Variants in SYCP1 observed in about 807,000 individuals in gnomAD.
The protein encoded by SYCP1 is synaptonemal complex protein 1, also known as cancer/testis antigen 8.
In SYCP1, 64 loss-of-function variants were observed where a neutral mutation model predicts 153.1. The ratio of observed to expected loss-of-function variants is 0.42; its 90% CI spans 0.34 to 0.51. SYCP1 has a LOEUF of 0.51. Among genes scored for constraint, SYCP1 ranks in the 20% least tolerant of loss-of-function variants. The pLI, the probability that SYCP1 is intolerant of heterozygous loss-of-function variation, is 0.06. For synonymous variants in SYCP1, 384 were observed against 341.8 expected (o/e 1.12, Z -1.36); for missense variants, 997 against 1,049.0 (o/e 0.95, Z 0.68).
intron 27 of SYCP1, among the ~76,000 whole-genome samples, chr1:114,952,013 G>T (rs754378967): frequency 5.3e-5 from 8 of 152,016 alleles, no homozygotes; most frequent in Admixed American, 3.3e-4. Context: ...AGTTTTTATT[G>T]CCAAGTAGTA....
At chr1:114,987,920 A>G (rs1390197583) in intron 30 of SYCP1, among the ~76,000 whole-genome samples, 2 of 151,686 alleles carry the variant, frequency 1.3e-5, no homozygotes, top group Non-Finnish European at 2.9e-5. Context: ...ATAGAGAGTT[A>G]GAAATTATAA....
intron 2 of SYCP1, among the ~76,000 whole-genome samples, chr1:114,855,852 G>C (rs2101239537): frequency 6.6e-6 from 1 of 152,144 alleles, no homozygotes; most frequent in East Asian, 1.9e-4. Flanking sequence ...GCAACTTATA[G>C]GACAGATACT....
At chr1:114,970,775 T>G (rs1348364344) in intron 27 of SYCP1, among the ~76,000 whole-genome samples, 1 of 152,184 alleles carries the variant, frequency 6.6e-6, no homozygotes, top group Non-Finnish European at 1.5e-5. Context: ...TCTTCAGGTC[T>G]CTCAGCCGTG....
At chr1:114,953,117 A>G (rs72695830) in intron 27 of SYCP1, among the ~76,000 whole-genome samples, 3,019 of 152,356 alleles carry the variant, frequency 0.02, 42 homozygotes, top group Non-Finnish European at 0.035. Context: ...CCATAAGGGC[A>G]GAGCCCTCAT....
rs766275225 is a variant in SYCP1, at chr1:114,856,596, T to C, written c.132T>C (p.Asp44=). The C allele has an allele frequency of 6.2e-7, 1 of 1,611,710 alleles. No individual in the cohort carries two copies. Among genetic ancestry groups the C allele is most frequent in the Non-Finnish European group, 8.5e-7 (1 of 1,179,086 alleles). Residue 44 remains aspartate, a synonymous_variant, in exon 3 of 32, where the codon GAT becomes GAC. Coordinates refer to ENST00000369522, the MANE Select transcript of SYCP1 (RefSeq NM_003176.4). ...AGAGTTTCAACAAATGTACTGAAGATGATTTTGAGTTTCCATTTGCAAAGA... is the reference window on the plus strand; with the variant it reads ...AGAGTTTCAACAAATGTACTGAAGACGATTTTGAGTTTCCATTTGCAAAGA... The part of the protein sequence containing the change: ...FFKSFNKCTE[D]DFEFPFAKTN...
intron 27 of SYCP1, among the ~76,000 whole-genome samples, chr1:114,960,498 T>A (rs1325053494): frequency 6.6e-6 from 1 of 152,164 alleles, no homozygotes; most frequent in Non-Finnish European, 1.5e-5. Context: ...ACCTCCACAG[T>A]GGTTGTACTA....
At chr1:114,919,789 A>G (rs796072752) in intron 20 of SYCP1, among the ~76,000 whole-genome samples, 43 of 152,108 alleles carry the variant, frequency 2.8e-4, no homozygotes, top group African/African-American at 9.9e-4. Context: ...ATTGATGTGT[A>G]GTTGCTTAGA....
chr1:114,942,228 A>G lies in SYCP1; in HGVS notation c.1927-2111A>G, dbSNP rs375679033. Among the ~76,000 whole-genome samples the G allele has an allele frequency of 4.0e-4, 61 of 152,144 alleles. 3 individuals are homozygous for G. In the East Asian group the frequency reaches 0.01, roughly 25 times the overall value. On this transcript the variant is annotated intron_variant, in intron 23 of 31. Transcript: ENST00000369522. ...CAACAAACAACAATAGAAGTCAGAAAACAGTGAGAAAGTATTTTCATGGGC... is the reference window on the plus strand; with the variant it reads ...CAACAAACAACAATAGAAGTCAGAAGACAGTGAGAAAGTATTTTCATGGGC...
intron 12 of SYCP1, among the ~76,000 whole-genome samples, chr1:114,881,676 A>G (rs1056422661): frequency 2.0e-5 from 3 of 151,886 alleles, no homozygotes; most frequent in African/African-American, 7.3e-5. Flanking sequence ...TAATTTTAAC[A>G]TTTTTTGTAG....
intron 8 of SYCP1, among the ~76,000 whole-genome samples, chr1:114,863,723 A>C (rs1664530653): frequency 6.6e-6 from 1 of 152,112 alleles, no homozygotes; most frequent in African/African-American, 2.4e-5. Flanking sequence ...TTGGTGGCAT[A>C]AATGTCTTCT....
At chr1:114,900,995 C>T (rs150725162) in intron 16 of SYCP1, among the ~76,000 whole-genome samples, 88 of 152,280 alleles carry the variant, frequency 5.8e-4, no homozygotes, top group African/African-American at 2.0e-3. Context: ...GGTACCACAG[C>T]TTTTATCTTC....
chr1:114,868,058 A>G (rs1434048996), intron 8 of SYCP1, among the ~76,000 whole-genome samples: 1 of 151,674 alleles, frequency 6.6e-6, no homozygotes, highest in African/African-American at 2.4e-5. Flanking sequence ...ACAATAATTG[A>G]TTTAAAATGC....
chr1:114,995,188 G>C lies in SYCP1; in HGVS notation c.*169G>C, dbSNP rs889384131. 2 of 567,738 alleles carry C rather than the reference G, an allele frequency of 3.5e-6. No homozygotes were observed. Among genetic ancestry groups the C allele is most frequent in the African/African-American group, 1.9e-5 (1 of 52,170 alleles). 35.2% of individuals were successfully genotyped at this position (567,738 alleles called of 1,614,324 possible). A position where few individuals can be genotyped will look rare whatever the true frequency, so the allele number is the denominator to read the frequency against. On this transcript the variant is annotated 3_prime_UTR_variant, in exon 32 of 32. Transcript: ENST00000369522. Reference sequence around the variant, plus strand: ...TTAGCCTAAATGTTAACTACATATTGTCTGGAAACCTGTCATTGTATTCAG... The same window carrying C: ...TTAGCCTAAATGTTAACTACATATTCTCTGGAAACCTGTCATTGTATTCAG...
At chr1:114,867,032 G>T (rs1664799346) in intron 8 of SYCP1, among the ~76,000 whole-genome samples, 1 of 151,030 alleles carries the variant, frequency 6.6e-6, no homozygotes. Flanking sequence ...GGGTCTATTT[G>T]TTACTCCTTT....
chr1:114,877,839 A>T (rs989827760), intron 11 of SYCP1, among the ~76,000 whole-genome samples: 1 of 152,028 alleles, frequency 6.6e-6, no homozygotes, highest in African/African-American at 2.4e-5. Context: ...ATATACCCCC[A>T]CCCATCCCTG....
At chr1:114,927,134 G>A (rs948964575) in intron 23 of SYCP1, among the ~76,000 whole-genome samples, 23 of 151,360 alleles carry the variant, frequency 1.5e-4, no homozygotes, top group African/African-American at 5.6e-4. Context: ...CTTTTTGGAA[G>A]GAAACATAAA....
At chr1:114,868,880 T>C (rs749475817) in intron 8 of SYCP1, among the ~76,000 whole-genome samples, 5 of 152,204 alleles carry the variant, frequency 3.3e-5, no homozygotes, top group Non-Finnish European at 7.3e-5. Context: ...ATGAGGTTTG[T>C]AGTGATGTCT....
At chr1:114,933,781 T>C (rs9660889) in intron 23 of SYCP1, among the ~76,000 whole-genome samples, 7,150 of 152,186 alleles carry the variant, frequency 0.047, 209 homozygotes, top group African/African-American at 0.06. Context: ...CAGTAGCTGA[T>C]TCGATCAAGT....
chr1:114,962,268 G>C (rs920391364), intron 27 of SYCP1, among the ~76,000 whole-genome samples: 1 of 152,122 alleles, frequency 6.6e-6, no homozygotes, highest in African/African-American at 2.4e-5. Context: ...TTATAGGTGT[G>C]AGCCACTGCA....
Sources: allele counts gnomAD v4.1 joint callset (sites outside exome capture counted in the v4.1 genomes callset), GRCh38; gene constraint gnomAD v4.1.1; transcripts MANE v1.5; gene names NCBI Gene and HGNC (gene_info 2026-07-23, HGNC 2026-07-21).